The following LRP1B variants were observed in gnomAD, a reference collection of about 807,000 sequenced individuals.
The protein encoded by LRP1B is LDL receptor related protein 1B, also known as low-density lipoprotein receptor-related protein 1B.
A neutral mutation model predicts 556.6 loss-of-function variants in LRP1B; 217 were observed. The ratio of observed to expected loss-of-function variants is 0.39; its 90% CI spans 0.35 to 0.44. The LOEUF is 0.44. Ranked by LOEUF, LRP1B falls within the 20% of genes least tolerant of loss-of-function variation. LRP1B has a pLI of 1.00. For synonymous variants in LRP1B, 2,047 were observed against 1,865.8 expected, an observed-to-expected ratio of 1.10 and a Z score of -2.50; for missense variants, 5,053 against 5,620.8, an observed-to-expected ratio of 0.90 and a Z score of 3.23.
rs2104994177 is a variant in LRP1B, at chr2:140,534,009, A to G, written c.7762+12T>C. 4 of 1,612,526 alleles carry G rather than the reference A, an allele frequency of 2.5e-6. No homozygotes were observed. In the Admixed American group the frequency reaches 5.0e-5, roughly 20 times the overall value. ...ACACCAATATTCTGAGATTGATGGA[A>G]CAAGTATTTACCTTTACAATCTAAT... is the stretch of plus-strand genomic sequence containing the variant. On this transcript the variant is annotated intron_variant, in intron 47 of 90. Transcript: ENST00000389484.
chr2:141,476,258 G>A (rs945497666), intron 3 of LRP1B, among the ~76,000 whole-genome samples: 2 of 152,172 alleles, frequency 1.3e-5, no homozygotes, highest in Non-Finnish European at 2.9e-5. Flanking sequence ...ATTATCTTAA[G>A]AATGTCAAAT....
At chr2:142,113,485 C>CCA (rs1707074899) in intron 1 of LRP1B, among the ~76,000 whole-genome samples, 1 of 80,502 alleles carries the variant, frequency 1.2e-5, no homozygotes, top group Non-Finnish European at 2.8e-5. Context: ...TTTACAGTTG[C>CCA]CACAAAAAAA....
intron 1 of LRP1B, among the ~76,000 whole-genome samples, chr2:141,903,415 T>G (rs1558950760): frequency 6.6e-6 from 1 of 151,946 alleles, no homozygotes; most frequent in Non-Finnish European, 1.5e-5. Context: ...CATGAAATTC[T>G]ACTATCTTAA....
chr2:141,585,162 T>C (rs541006152), intron 2 of LRP1B, among the ~76,000 whole-genome samples: 1 of 152,200 alleles, frequency 6.6e-6, no homozygotes, highest in Non-Finnish European at 1.5e-5. Flanking sequence ...TCCGATGTTC[T>C]TATTCTTTGC....
At chr2:141,778,185 G>T (rs139174497) in intron 2 of LRP1B, among the ~76,000 whole-genome samples, 64 of 152,168 alleles carry the variant, frequency 4.2e-4, no homozygotes, top group Middle Eastern at 3.4e-3. Context: ...GAGACTATTA[G>T]GCAGAAATCC....
chr2:140,244,335 G>A (rs1254519189), intron 87 of LRP1B, among the ~76,000 whole-genome samples: 1 of 151,052 alleles, frequency 6.6e-6, no homozygotes, highest in Non-Finnish European at 1.5e-5. Context: ...CAGATATCTT[G>A]CCCCTATTGT....
chr2:141,693,714 A>G (rs560777263), intron 2 of LRP1B, among the ~76,000 whole-genome samples: 48 of 152,010 alleles, frequency 3.2e-4, no homozygotes, highest in African/African-American at 1.1e-3. Context: ...GTCCTTCCCT[A>G]TTTTGTTTTT....
At chr2:140,353,221 T>C in intron 75 of LRP1B, 149 bp from the exon 76 acceptor site, 1 of 703,964 alleles carries the variant, frequency 1.4e-6, no homozygotes. Context: ...CTGTGTCATA[T>C]TTTTGAAGGT....
chr2:141,902,954 G>A (rs1012263978), intron 1 of LRP1B, among the ~76,000 whole-genome samples: 1 of 151,856 alleles, frequency 6.6e-6, no homozygotes, highest in African/African-American at 2.4e-5. Context: ...CTAACTTTTA[G>A]CCAGTTTTCT....
chr2:141,305,822 C>A (rs1190266734), intron 3 of LRP1B, among the ~76,000 whole-genome samples: 1 of 152,122 alleles, frequency 6.6e-6, no homozygotes, highest in Non-Finnish European at 1.5e-5. Flanking sequence ...TTATCAATTT[C>A]TTCCTGCATC....
chr2:141,184,604 T>TA (rs76876173), intron 7 of LRP1B, among the ~76,000 whole-genome samples: 4,094 of 142,672 alleles, frequency 0.029, 62 homozygotes, highest in Middle Eastern at 0.056. Context: ...AATGTTACAT[T>TA]AAAAAAAAAA....
At chr2:140,339,458 T>G (rs1681261154) in intron 77 of LRP1B, among the ~76,000 whole-genome samples, 1 of 151,008 alleles carries the variant, frequency 6.6e-6, no homozygotes. Context: ...TTATTTGTGA[T>G]TTTTTTCATC....
intron 35 of LRP1B, among the ~76,000 whole-genome samples, chr2:140,763,340 G>A (rs1688995194): frequency 6.6e-6 from 1 of 152,038 alleles, no homozygotes; most frequent in South Asian, 2.1e-4. Flanking sequence ...TACCACTGAG[G>A]AGAAGCCTCA....
At chr2:141,213,094 G>T (rs932154026) in intron 6 of LRP1B, among the ~76,000 whole-genome samples, 2 of 151,570 alleles carry the variant, frequency 1.3e-5, no homozygotes, top group African/African-American at 4.9e-5. Context: ...AGCCTCCTGA[G>T]CACCATCATC....
chr2:140,537,179 A>AATT (rs1319641516), intron 45 of LRP1B, among the ~76,000 whole-genome samples: 44 of 142,152 alleles, frequency 3.1e-4, no homozygotes, highest in South Asian at 1.3e-3. Context: ...TCAAAATAAT[A>AATT]ATTATTATTA....
chr2:140,896,964 T>G (rs1297073804), intron 23 of LRP1B, among the ~76,000 whole-genome samples: 2 of 152,200 alleles, frequency 1.3e-5, no homozygotes, highest in Non-Finnish European at 2.9e-5. Flanking sequence ...TCAATTCATT[T>G]TTATTGGACT....
intron 2 of LRP1B, among the ~76,000 whole-genome samples, chr2:141,718,246 T>G (rs1477530800): frequency 6.6e-6 from 1 of 152,192 alleles, no homozygotes; most frequent in Admixed American, 6.5e-5. Flanking sequence ...CTTTCCTCCC[T>G]CGACCTCAGA....
At chr2:141,258,665 CCT>C (rs1476392870) in intron 3 of LRP1B, among the ~76,000 whole-genome samples, 3 of 152,016 alleles carry the variant, frequency 2.0e-5, no homozygotes, top group Non-Finnish European at 2.9e-5. Context: ...GGGGTAGAAA[CCT>C]GGAGGGAGGT....
At chr2:141,162,771 A>T (rs1397250513) in intron 7 of LRP1B, among the ~76,000 whole-genome samples, 6 of 152,158 alleles carry the variant, frequency 3.9e-5, no homozygotes, top group African/African-American at 1.2e-4. Context: ...TTTCATAGAT[A>T]GTTTATCAGT....
Sources: gnomAD v4.1 joint callset for allele counts (sites outside exome capture counted in the v4.1 genomes callset) on GRCh38, gnomAD v4.1.1 for gene constraint, MANE v1.5 for transcripts, NCBI Gene and HGNC (gene_info 2026-07-23, HGNC 2026-07-21) for gene names.